GPC6: variants seen among roughly 807,000 people sequenced by gnomAD.
GPC6 encodes the protein glypican 6.
A neutral mutation model predicts 55.2 loss-of-function variants in GPC6; 14 were observed. That is an observed-to-expected ratio of 0.25 (90% CI 0.17 to 0.40). GPC6 has a LOEUF of 0.40. GPC6 is among the 10% of genes least tolerant of loss of function. The pLI is 1.00. For missense variants in GPC6, 641 were observed against 708.5 expected (o/e 0.90, Z 1.08); for synonymous variants, 278 against 259.6 (o/e 1.07, Z -0.68).
chr13:93,798,646 C>T (rs530072928), intron 2 of GPC6, among the ~76,000 whole-genome samples: 1 of 152,042 alleles, frequency 6.6e-6, no homozygotes, highest in Non-Finnish European at 1.5e-5. Context: ...AGGCTGGGCG[C>T]GTTAGCTCAC....
At chr13:93,433,848 T>C (rs954554252) in intron 1 of GPC6, among the ~76,000 whole-genome samples, 3 of 152,044 alleles carry the variant, frequency 2.0e-5, no homozygotes, top group African/African-American at 4.8e-5. Flanking sequence ...CTGAACAATA[T>C]GTGATTTAAT....
At chr13:94,349,821 C>T (rs1029741299) in intron 6 of GPC6, among the ~76,000 whole-genome samples, 6 of 152,200 alleles carry the variant, frequency 3.9e-5, no homozygotes, top group African/African-American at 1.2e-4. Flanking sequence ...CCCTTTGCCA[C>T]ACAGTCTCGG....
intron 1 of GPC6, among the ~76,000 whole-genome samples, chr13:93,405,222 T>C (rs1876241204): frequency 6.6e-6 from 1 of 152,138 alleles, no homozygotes; most frequent in Non-Finnish European, 1.5e-5. Context: ...ACGTGTTCTT[T>C]TTTGACCAAA....
chr13:94,233,711 TA>T (rs1772758953), intron 4 of GPC6, among the ~76,000 whole-genome samples: 1 of 152,178 alleles, frequency 6.6e-6, no homozygotes, highest in Non-Finnish European at 1.5e-5. Flanking sequence ...AAGGAACCCT[TA>T]TATTTCTTAA....
At chr13:93,543,327 T>C (rs946816742) in intron 1 of GPC6, among the ~76,000 whole-genome samples, 3 of 152,202 alleles carry the variant, frequency 2.0e-5, no homozygotes, top group Admixed American at 6.5e-5. Flanking sequence ...GGATTACATT[T>C]ATTGATTTGC....
At chr13:94,292,394 A>G (rs954692934) in intron 5 of GPC6, among the ~76,000 whole-genome samples, 2 of 152,170 alleles carry the variant, frequency 1.3e-5, no homozygotes, top group Non-Finnish European at 2.9e-5. Context: ...TGCAATGAGA[A>G]GGTAAGGAAA....
chr13:94,264,677 A>G (rs1242333957), intron 4 of GPC6, among the ~76,000 whole-genome samples: 1 of 152,232 alleles, frequency 6.6e-6, no homozygotes, highest in Non-Finnish European at 1.5e-5. Context: ...CTCCAAATCC[A>G]TGGTAAAATT....
intron 3 of GPC6, among the ~76,000 whole-genome samples, chr13:93,941,745 A>G (rs1234208570): frequency 6.6e-6 from 1 of 152,232 alleles, no homozygotes; most frequent in Non-Finnish European, 1.5e-5. Context: ...TAGTATATCT[A>G]TCAAAATAGA....
intron 1 of GPC6, among the ~76,000 whole-genome samples, chr13:93,356,052 T>A (rs1020180568): frequency 8.5e-5 from 13 of 152,090 alleles, no homozygotes; most frequent in African/African-American, 1.7e-4. Flanking sequence ...AGGAGTTTAA[T>A]CCTGAACTTG....
intron 1 of GPC6, among the ~76,000 whole-genome samples, chr13:93,310,421 A>G (rs1389495489): frequency 2.6e-5 from 4 of 152,204 alleles, no homozygotes; most frequent in African/African-American, 7.2e-5. Flanking sequence ...TGGAGTGAGC[A>G]AAACCAGAAT....
intron 1 of GPC6, among the ~76,000 whole-genome samples, chr13:93,281,760 A>G (rs1877958833): frequency 6.6e-6 from 1 of 152,188 alleles, no homozygotes; most frequent in Non-Finnish European, 1.5e-5. Flanking sequence ...AGGTTGTGGT[A>G]AGCCACGATC....
At chr13:94,237,015 C>T (rs1238940087) in intron 4 of GPC6, among the ~76,000 whole-genome samples, 1 of 151,754 alleles carries the variant, frequency 6.6e-6, no homozygotes, top group Non-Finnish European at 1.5e-5. Context: ...GGCAAGGAGT[C>T]AAGTCATATT....
At chr13:94,082,084 A>C (rs537812645) in intron 4 of GPC6, among the ~76,000 whole-genome samples, 1 of 151,846 alleles carries the variant, frequency 6.6e-6, no homozygotes, top group East Asian at 1.9e-4. Flanking sequence ...CAGATGATCC[A>C]CCTGCCTCGG....
intron 1 of GPC6, among the ~76,000 whole-genome samples, chr13:93,406,940 C>T (rs1319276618): frequency 6.6e-6 from 1 of 152,054 alleles, no homozygotes; most frequent in East Asian, 1.9e-4. Context: ...GACATAGCAA[C>T]AAAATGTAAT....
At chr13:93,664,884 G>T (rs1881073404) in intron 2 of GPC6, among the ~76,000 whole-genome samples, 1 of 152,174 alleles carries the variant, frequency 6.6e-6, no homozygotes, top group Admixed American at 6.5e-5. Context: ...TAAATTGACA[G>T]ACATTAAAGT....
At chr13:93,502,440 A>G (rs762345398) in intron 1 of GPC6, among the ~76,000 whole-genome samples, 3 of 152,120 alleles carry the variant, frequency 2.0e-5, no homozygotes, top group Admixed American at 6.6e-5. Context: ...AAACTCTTAC[A>G]TCTATACCCA....
intron 4 of GPC6, among the ~76,000 whole-genome samples, chr13:94,047,942 CATTTATTTCACAG>C (rs1467022713): frequency 4.6e-5 from 7 of 151,820 alleles, no homozygotes; most frequent in African/African-American, 1.2e-4. Context: ...CTGAAATAGA[CATTTATTTCACAG>C]ATTTATTTCA....
intron 3 of GPC6, among the ~76,000 whole-genome samples, chr13:93,888,526 C>G (rs1875476900): frequency 6.6e-6 from 1 of 152,092 alleles, no homozygotes; most frequent in South Asian, 2.1e-4. Context: ...TTGGAAAACA[C>G]TTTTTAATTA....
chr13:94,213,150 T>C (rs1004258664), intron 4 of GPC6, among the ~76,000 whole-genome samples: 1 of 152,146 alleles, frequency 6.6e-6, no homozygotes, highest in Non-Finnish European at 1.5e-5. Context: ...AGCAAGACTG[T>C]GTCTCAAAAA....
Sources: allele counts gnomAD v4.1 joint callset (sites outside exome capture counted in the v4.1 genomes callset), GRCh38; gene constraint gnomAD v4.1.1; transcripts MANE v1.5; gene names NCBI Gene and HGNC (gene_info 2026-07-23, HGNC 2026-07-21).